Variants in EIF2B3 observed in about 807,000 individuals in gnomAD.
EIF2B3 encodes the protein translation initiation factor eIF2B subunit gamma.
Under a neutral mutation model 54.1 loss-of-function variants are expected in EIF2B3, and 20 were observed. The observed-to-expected ratio is 0.37, with a 90% CI of 0.26 to 0.54. The LOEUF is 0.54. Ranked by LOEUF, EIF2B3 falls within the 20% of genes least tolerant of loss-of-function variation. The pLI is 0.86. For synonymous variants in EIF2B3, 153 were observed against 188.1 expected, an observed-to-expected ratio of 0.81 and a Z score of 1.52; for missense variants, 448 against 547.8, an observed-to-expected ratio of 0.82 and a Z score of 1.82.
At chr1:44,951,823 T>C (rs1394314898) in intron 3 of EIF2B3, among the ~76,000 whole-genome samples, 2 of 150,516 alleles carry the variant, frequency 1.3e-5, no homozygotes, top group Non-Finnish European at 3.0e-5. Flanking sequence ...GGTCTCGCTC[T>C]GTCACCCAGG....
chr1:44,925,380 C>A (rs1643831755), intron 5 of EIF2B3: 1 of 152,262 alleles, frequency 6.6e-6, no homozygotes, highest in African/African-American at 2.4e-5. Context: ...CCGTTATATG[C>A]TACGGCATGG....
At chr1:44,877,206 A>AAAAAC (rs1655203556) in intron 8 of EIF2B3, among the ~76,000 whole-genome samples, 1 of 145,322 alleles carries the variant, frequency 6.9e-6, no homozygotes, top group Non-Finnish European at 1.5e-5. Flanking sequence ...AAAAAAAAAA[A>AAAAAC]AAAAAAAAAA....
chr1:44,913,940 C>T (rs1643569237), intron 5 of EIF2B3, among the ~76,000 whole-genome samples: 1 of 142,088 alleles, frequency 7.0e-6, no homozygotes. Context: ...GATTCTGCAG[C>T]CTCAGCCTCC....
At chr1:44,913,887 C>T (rs1328072526) in intron 5 of EIF2B3, among the ~76,000 whole-genome samples, 2 of 146,274 alleles carry the variant, frequency 1.4e-5, no homozygotes, top group Admixed American at 1.4e-4. Flanking sequence ...AGTGCAATGG[C>T]ACAATCTCGG....
intron 11 of EIF2B3, among the ~76,000 whole-genome samples, chr1:44,857,272 G>A (rs536450982): frequency 2.0e-5 from 3 of 152,338 alleles, no homozygotes; most frequent in African/African-American, 7.2e-5. Flanking sequence ...GCTTACGCCT[G>A]TAATCCCAGC....
intron 3 of EIF2B3, among the ~76,000 whole-genome samples, chr1:44,968,373 A>G (rs1361529212): frequency 1.1e-5 from 1 of 92,732 alleles, no homozygotes; most frequent in Non-Finnish European, 2.3e-5. Context: ...TAAAAAAAGG[A>G]AAAAAAAAAA....
At chr1:44,973,522 AC>A (rs1644423190) in intron 3 of EIF2B3, among the ~76,000 whole-genome samples, 1 of 152,016 alleles carries the variant, frequency 6.6e-6, no homozygotes, top group Non-Finnish European at 1.5e-5. Flanking sequence ...ACATGGCGAA[AC>A]CCCATTTCTA....
chr1:44,892,139 T>A (rs1295797275), intron 6 of EIF2B3, among the ~76,000 whole-genome samples: 1 of 152,224 alleles, frequency 6.6e-6, no homozygotes, highest in Non-Finnish European at 1.5e-5. Flanking sequence ...TCACTCCACA[T>A]CTGTCCTATA....
chr1:44,878,540 G>A (rs989941162), intron 8 of EIF2B3, among the ~76,000 whole-genome samples: 2 of 152,072 alleles, frequency 1.3e-5, no homozygotes, highest in African/African-American at 4.8e-5. Flanking sequence ...TGGGATTACA[G>A]GCGTGAGCCA....
intron 3 of EIF2B3, among the ~76,000 whole-genome samples, chr1:44,974,931 T>C (rs1217966110): frequency 6.6e-6 from 1 of 151,952 alleles, no homozygotes; most frequent in Non-Finnish European, 1.5e-5. Context: ...ATTTCTACAT[T>C]GGGCTGGGTG....
intron 10 of EIF2B3, among the ~76,000 whole-genome samples, chr1:44,867,294 A>G (rs1410791830): frequency 1.3e-5 from 2 of 152,136 alleles, no homozygotes; most frequent in Non-Finnish European, 2.9e-5. Flanking sequence ...AGCTTTGACA[A>G]TGAAGTGTTT....
intron 3 of EIF2B3, among the ~76,000 whole-genome samples, chr1:44,948,062 T>C (rs1644121867): frequency 6.6e-6 from 1 of 152,162 alleles, no homozygotes; most frequent in Admixed American, 6.5e-5. Context: ...ACCTCAGTTT[T>C]GGTTTAAAAT....
chr1:44,969,761 TA>T (rs1644381984), intron 3 of EIF2B3, among the ~76,000 whole-genome samples: 1 of 152,206 alleles, frequency 6.6e-6, no homozygotes, highest in South Asian at 2.1e-4. Context: ...TATAAGAAGT[TA>T]AAATATTAAC....
chr1:44,955,610 A>C (rs1044702782), intron 3 of EIF2B3, among the ~76,000 whole-genome samples: 10 of 152,294 alleles, frequency 6.6e-5, no homozygotes, highest in Non-Finnish European at 1.5e-4. Context: ...TTTGCAATCT[A>C]TCCATCTGAC....
At chr1:44,879,728 A>T in intron 8 of EIF2B3, 90 bp downstream of exon 8, 1 of 1,436,038 alleles carries the variant, frequency 7.0e-7, no homozygotes, top group African/African-American at 1.4e-5. Context: ...GATTCTTAAC[A>T]AGTTACTATG....
intron 3 of EIF2B3, among the ~76,000 whole-genome samples, chr1:44,974,069 A>C (rs1644428997): frequency 6.6e-6 from 1 of 152,080 alleles, no homozygotes; most frequent in African/African-American, 2.4e-5. Flanking sequence ...AGAAGCACCC[A>C]AAATCCACTT....
intron 3 of EIF2B3, among the ~76,000 whole-genome samples, chr1:44,955,525 T>G (rs568854304): frequency 6.6e-6 from 1 of 152,142 alleles, no homozygotes; most frequent in South Asian, 2.1e-4. Flanking sequence ...GGAATCTAAT[T>G]AAACTAAAGA....
At position 44,850,769 on chromosome 1, in the gene EIF2B3, A is replaced by C. The variant is rs1654244919; in HGVS notation, c.*182T>G. On this transcript the variant is annotated 3_prime_UTR_variant, in exon 12 of 12. Coordinates refer to ENST00000360403, the MANE Select transcript of EIF2B3 (RefSeq NM_020365.5). ...CCAGATGATCTTTACCACATGACAC[A>C]TGAACATACACTGTGTACACCTGGA... 6.2e-6 allele frequency: 4 copies of C among 647,760 alleles called. No homozygotes were observed. The highest frequency in any genetic ancestry group is 5.3e-5 in the Admixed American group (2 of 37,742). 40.1% of individuals were successfully genotyped at this position (647,760 alleles called of 1,614,324 possible). A position where few individuals can be genotyped will look rare whatever the true frequency, so the allele number is the denominator to read the frequency against.
chr1:44,884,766 G>A (rs899272612), intron 6 of EIF2B3, among the ~76,000 whole-genome samples: 4 of 152,140 alleles, frequency 2.6e-5, no homozygotes, highest in Admixed American at 2.0e-4. Flanking sequence ...GGGATTTCAG[G>A]GCCATGATAT....
Sources: allele counts gnomAD v4.1 joint callset (sites outside exome capture counted in the v4.1 genomes callset), GRCh38; gene constraint gnomAD v4.1.1; transcripts MANE v1.5; gene names NCBI Gene and HGNC (gene_info 2026-07-23, HGNC 2026-07-21).